PCDHGB4: variants seen among roughly 807,000 people sequenced by gnomAD.
PCDHGB4 encodes protocadherin gamma-B4.
A neutral mutation model predicts 60.5 loss-of-function variants in PCDHGB4; 38 were observed. The ratio of observed to expected loss-of-function variants is 0.63; its 90% confidence interval spans 0.48 to 0.82. PCDHGB4 has a LOEUF of 0.82. Ranked by LOEUF, PCDHGB4 falls within the 40% of genes least tolerant of loss-of-function variation. The pLI is 0.00. For missense variants in PCDHGB4, 1,109 were observed against 1,209.6 expected (o/e 0.92, Z 1.23); for synonymous variants, 456 against 509.7 (o/e 0.89, Z 1.42).
intron 1 of PCDHGB4, chr5:141,423,301 C>T (rs1489674947): frequency 1.9e-6 from 3 of 1,614,150 alleles, no homozygotes; most frequent in East Asian, 4.5e-5. Flanking sequence ...AGACCTCTCG[C>T]TGTACTTGGT....
intron 1 of PCDHGB4, among the ~76,000 whole-genome samples, chr5:141,436,350 C>T (rs1034303123): frequency 5.9e-5 from 9 of 152,126 alleles, no homozygotes; most frequent in Non-Finnish European, 1.3e-4. Flanking sequence ...TCAGTGACTT[C>T]AATCAACTAT....
intron 1 of PCDHGB4, chr5:141,427,971 C>A (rs764145525): frequency 1.3e-6 from 2 of 1,593,630 alleles, no homozygotes; most frequent in Non-Finnish European, 1.7e-6. Flanking sequence ...GGTGCTGTAC[C>A]CCGCGCTGGG....
intron 1 of PCDHGB4, chr5:141,403,227 G>C (rs2094378929): frequency 1.2e-6 from 2 of 1,608,848 alleles, no homozygotes; most frequent in African/African-American, 1.3e-5. Context: ...AGGATAGACC[G>C]GGAGGAGCTC....
chr5:141,400,372 A>T, intron 1 of PCDHGB4: 1 of 1,613,980 alleles, frequency 6.2e-7, no homozygotes, highest in South Asian at 1.1e-5. Flanking sequence ...TTATTCCTAC[A>T]ACCTATGTGT....
intron 1 of PCDHGB4, chr5:141,441,986 C>A (rs2098288559): frequency 1.1e-5 from 3 of 269,098 alleles, no homozygotes; most frequent in South Asian, 7.5e-5. Context: ...GAATGCGCAC[C>A]GACGAGGTGC....
intron 1 of PCDHGB4, among the ~76,000 whole-genome samples, chr5:141,443,035 CTT>C (rs2098359592): frequency 6.6e-6 from 1 of 152,208 alleles, no homozygotes; most frequent in African/African-American, 2.4e-5. Context: ...CAGACCTAAA[CTT>C]TGAAAATTAT....
rs772659046 is a variant in PCDHGB4 at position 141,426,970 on chromosome 5, A to C, written c.2397+36689A>C. On this transcript the variant is annotated intron_variant, in intron 1 of 3. Coordinates refer to ENST00000519479, the MANE Select transcript of PCDHGB4 (RefSeq NM_003736.4). Reference sequence around the variant, plus strand: ...ACTGGCACTGCTGCAATTCAAATTGAGGTCACTGATGCCAACGATAATGCC... The same window carrying C: ...ACTGGCACTGCTGCAATTCAAATTGCGGTCACTGATGCCAACGATAATGCC... 72 of 456,624 alleles carry C rather than the reference A, an allele frequency of 1.6e-4. No homozygotes were observed. In the Middle Eastern group the frequency reaches 1.6e-3, roughly 10 times the overall value. The allele number at this position is 456,624 out of a possible 1,614,324, so 28.3% of individuals were successfully genotyped here. A position where few individuals can be genotyped will look rare whatever the true frequency, so the allele number is the denominator to read the frequency against.
At chr5:141,419,318 G>A in intron 1 of PCDHGB4, 1 of 1,613,992 alleles carries the variant, frequency 6.2e-7, no homozygotes, top group Non-Finnish European at 8.5e-7. Flanking sequence ...CAACGGCCGT[G>A]TCTCCTACTC....
intron 1 of PCDHGB4, chr5:141,426,713 AC>A: frequency 2.2e-6 from 1 of 445,196 alleles, no homozygotes; most frequent in Middle Eastern, 3.3e-4. Flanking sequence ...AAATCAATGA[AC>A]TAGCAATTCC....
At chr5:141,412,876 A>T (rs1206092699) in intron 1 of PCDHGB4, 2 of 281,096 alleles carry the variant, frequency 7.1e-6, no homozygotes, top group Admixed American at 4.9e-5. Flanking sequence ...AAATATAATA[A>T]TCCAACAGAA....
At position 141,477,067 on chromosome 5, in the gene PCDHGB4, C is replaced by G. The variant is rs370882752; in HGVS notation, c.2398-17740C>G. 5.6e-5 allele frequency: 91 copies of G among 1,614,116 alleles called. No individual in the cohort carries two copies. Among genetic ancestry groups the G allele is most frequent in the Non-Finnish European group, 7.7e-5 (91 of 1,180,042 alleles). ...GGCTGGACTTCGAGGACACCAAACT[C>G]CATGAGATTTACATCCAGGCCAAAG... On this transcript the variant is annotated intron_variant, in intron 1 of 3. Transcript: ENST00000519479. This position sits in a 1 kb window ranked among gnomAD's most constrained non-coding sequence, Gnocchi z 4.9.
intron 1 of PCDHGB4, among the ~76,000 whole-genome samples, chr5:141,448,784 C>CAA (rs576464275): frequency 4.8e-5 from 7 of 145,806 alleles, no homozygotes; most frequent in East Asian, 2.0e-4. Context: ...ACTAAAAATA[C>CAA]AAAAAAAAAA....
intron 1 of PCDHGB4, chr5:141,422,139 A>G (rs2096627272): frequency 6.3e-7 from 1 of 1,588,154 alleles, no homozygotes. Context: ...AAGTTCAAGT[A>G]CGGGGGTCTC....
At chr5:141,497,742 T>C (rs2099779149) in intron 2 of PCDHGB4, among the ~76,000 whole-genome samples, 1 of 152,128 alleles carries the variant, frequency 6.6e-6, no homozygotes, top group South Asian at 2.1e-4. Context: ...TTTCGCCACG[T>C]TGGCCAGGCT....
At chr5:141,419,117 G>A (rs1362880648) in intron 1 of PCDHGB4, 2 of 1,613,836 alleles carry the variant, frequency 1.2e-6, no homozygotes, top group Non-Finnish European at 1.7e-6. Flanking sequence ...AGAGTACAAC[G>A]TCACCATCGC....
At chr5:141,398,207 C>T (rs1368284039) in intron 1 of PCDHGB4, 3 of 1,488,636 alleles carry the variant, frequency 2.0e-6, no homozygotes, top group South Asian at 2.6e-5. Flanking sequence ...TTGTTCTGCC[C>T]GGCGCTCTGT....
At chr5:141,447,163 G>T (rs11167747) in intron 1 of PCDHGB4, among the ~76,000 whole-genome samples, 6,233 of 151,894 alleles carry the variant, frequency 0.041, 196 homozygotes, top group Admixed American at 0.075. Flanking sequence ...TGTTTAAGCG[G>T]GGTCTTGCTC....
chr5:141,501,441 A>G (rs547792017), intron 2 of PCDHGB4, among the ~76,000 whole-genome samples: 1 of 151,898 alleles, frequency 6.6e-6, no homozygotes, highest in African/African-American at 2.4e-5. Context: ...CATTTCTTCC[A>G]TTTTTACTTT....
Position 141,389,845 on chromosome 5 carries a change from C to A in PCDHGB4, c.1961C>A (p.Ala654Asp), listed in dbSNP as rs572208776. 5.0e-5 allele frequency: 80 copies of A among 1,614,054 alleles called. No homozygotes were observed. In the Admixed American group the frequency reaches 1.3e-3, roughly 27 times the overall value. The change falls in exon 1 of 4, where the codon GCC becomes GAC. Residue 654 changes from alanine to aspartate, a missense_variant. Transcript: ENST00000519479. Reference protein sequence around the residue: ...VRDGGQPPLSATATLHLVFAD... With the variant: ...VRDGGQPPLSDTATLHLVFAD... ...GACGGTGGACAGCCACCACTCTCGG[C>A]CACTGCCACGTTGCACCTGGTCTTC...
Sources: allele counts gnomAD v4.1 joint callset (sites outside exome capture counted in the v4.1 genomes callset), GRCh38; gene constraint gnomAD v4.1.1; non-coding constraint Gnocchi (gnomAD v3.1); transcripts MANE v1.5; gene names NCBI Gene and HGNC (gene_info 2026-07-23, HGNC 2026-07-21).